The following CHD2 variants were observed in gnomAD, a reference collection of about 807,000 sequenced individuals.
CHD2 encodes the protein chromodomain helicase DNA binding protein 2.
Under a neutral mutation model 243.9 loss-of-function variants are expected in CHD2, and 28 were observed. That is an observed-to-expected ratio of 0.11 (90% confidence interval 0.09 to 0.16). The LOEUF is 0.16. CHD2 is among the 10% of genes least tolerant of loss of function. The pLI is 1.00. For missense variants in CHD2, 1,386 were observed against 2,209.8 expected (o/e 0.63, Z 7.47); for synonymous variants, 775 against 779.0 (o/e 0.99, Z 0.09).
chr15:93,023,792 T>C (rs1237633916), intron 38 of CHD2, among the ~76,000 whole-genome samples: 1 of 152,126 alleles, frequency 6.6e-6, no homozygotes, highest in African/African-American at 2.4e-5. Context: ...CATGGTTTTT[T>C]TTGGCCATTT....
intron 20 of CHD2, 121 bp downstream of exon 20, chr15:92,975,071 A>G: frequency 1.4e-6 from 1 of 721,572 alleles, no homozygotes. Context: ...TGCCTTGAGA[A>G]GAAAATGAGA....
chr15:92,948,895 C>G, intron 12 of CHD2, 57 bp from the exon 13 acceptor site: 1 of 1,533,734 alleles, frequency 6.5e-7, no homozygotes. Context: ...TTGTGGCTAG[C>G]GTTTTAACAT....
chr15:92,903,019 A>C (rs1286320254), intron 2 of CHD2, among the ~76,000 whole-genome samples: 1 of 152,204 alleles, frequency 6.6e-6, no homozygotes, highest in East Asian at 1.9e-4. Context: ...GCATGTACTG[A>C]CTGTACTTTT....
At chr15:93,004,943 T>C (rs934156977) in intron 34 of CHD2, among the ~76,000 whole-genome samples, 192 bp downstream of exon 34, 3 of 152,124 alleles carry the variant, frequency 2.0e-5, no homozygotes, top group African/African-American at 7.2e-5. Context: ...TTGTCTTTTA[T>C]TGAGGGGAAG....
intron 13 of CHD2, among the ~76,000 whole-genome samples, chr15:92,950,075 A>G (rs1278807161): frequency 1.3e-5 from 2 of 152,192 alleles, no homozygotes; most frequent in Non-Finnish European, 2.9e-5. Context: ...CAAATAAGGA[A>G]GGGGTGTAGG....
At chr15:92,935,038 C>T (rs1185692531) in intron 5 of CHD2, among the ~76,000 whole-genome samples, 4 of 138,694 alleles carry the variant, frequency 2.9e-5, no homozygotes, top group Non-Finnish European at 3.1e-5. Flanking sequence ...TTCTTTCTTT[C>T]TTTTTTTTTT....
chr15:92,989,519 A>C (rs1201414729), intron 26 of CHD2, among the ~76,000 whole-genome samples: 1 of 152,080 alleles, frequency 6.6e-6, no homozygotes, highest in Admixed American at 6.6e-5. Context: ...TTGTCATGTT[A>C]TGTGATCCTT....
chr15:92,979,006 C>G, intron 21 of CHD2, 129 bp from the exon 22 acceptor site: 1 of 1,214,268 alleles, frequency 8.2e-7, no homozygotes, highest in Non-Finnish European at 1.1e-6. Context: ...TTACAGTCTT[C>G]TATGGTTAGA....
chr15:92,913,275 C>T (rs2052774573), intron 2 of CHD2, among the ~76,000 whole-genome samples: 1 of 151,256 alleles, frequency 6.6e-6, no homozygotes, highest in South Asian at 2.1e-4. Flanking sequence ...GAATCTTGGG[C>T]AGGAGTGTCT....
chr15:92,947,386 A>C (rs1391792690), intron 12 of CHD2: 1 of 152,198 alleles, frequency 6.6e-6, no homozygotes, highest in Non-Finnish European at 1.5e-5. Flanking sequence ...TATCAAGAGA[A>C]AGATTCTTAT....
At chr15:93,015,610 C>T (rs2054450054) in intron 37 of CHD2, among the ~76,000 whole-genome samples, 3 of 149,860 alleles carry the variant, frequency 2.0e-5, no homozygotes. Flanking sequence ...AACCGTACAT[C>T]TGATAAGGGG....
intron 4 of CHD2, among the ~76,000 whole-genome samples, chr15:92,928,303 G>C (rs1176137651): frequency 6.6e-6 from 1 of 152,184 alleles, no homozygotes; most frequent in Non-Finnish European, 1.5e-5. Context: ...CAATCACATA[G>C]TTGTAGAAAT....
In CHD2 at chr15:93,024,514, C is replaced by T; in HGVS notation, c.5296C>T (p.His1766Tyr). 1 of 1,614,212 alleles carries T rather than the reference C, an allele frequency of 6.2e-7. No individual in the cohort carries two copies. Among genetic ancestry groups the T allele is most frequent in the Non-Finnish European group, 8.5e-7 (1 of 1,180,034 alleles). The change falls in exon 39 of 39, where the codon CAC becomes TAC. Residue 1766 changes from histidine to tyrosine, a missense_variant. This residue lies in a region of CHD2 where 347 missense variants were observed against 341.6 expected (regional missense o/e 1.02). Coordinates refer to ENST00000394196, the MANE Select transcript of CHD2 (RefSeq NM_001271.4). Reference sequence around the variant, plus strand: ...ACCCTCAGACCATTACCGCTCTTTCCACACAGATAAACTGGGGGAATATAA... The same window carrying T: ...ACCCTCAGACCATTACCGCTCTTTCTACACAGATAAACTGGGGGAATATAA... ...QGPSDHYRSF[H>Y]TDKLGEYKQP...
At chr15:92,909,779 A>G (rs1489930630) in intron 2 of CHD2, among the ~76,000 whole-genome samples, 1 of 151,676 alleles carries the variant, frequency 6.6e-6, no homozygotes, top group Non-Finnish European at 1.5e-5. Flanking sequence ...GACCTCCGAA[A>G]GTGCTGGGAT....
chr15:92,933,259 A>G (rs1011447452), intron 5 of CHD2, among the ~76,000 whole-genome samples: 3 of 152,182 alleles, frequency 2.0e-5, no homozygotes, highest in Middle Eastern at 3.2e-3. Context: ...GACCTGCACA[A>G]TATTTAAAAT....
intron 24 of CHD2, among the ~76,000 whole-genome samples, chr15:92,982,597 G>A (rs1360172555): frequency 1.3e-5 from 2 of 152,222 alleles, no homozygotes; most frequent in East Asian, 3.9e-4. Flanking sequence ...ACCATGGGTT[G>A]ATTCCATGGA....
intron 4 of CHD2, among the ~76,000 whole-genome samples, 179 bp from the exon 5 acceptor site, chr15:92,928,851 T>A (rs145139295): frequency 6.6e-6 from 1 of 152,210 alleles, no homozygotes; most frequent in East Asian, 1.9e-4. Context: ...CAGAGAGATA[T>A]TAATTTTCAA....
intron 34 of CHD2, among the ~76,000 whole-genome samples, chr15:93,007,684 A>T (rs2054338498): frequency 6.6e-6 from 1 of 151,454 alleles, no homozygotes; most frequent in Non-Finnish European, 1.5e-5. Flanking sequence ...AATTTTCTTG[A>T]ATTATATGGT....
chr15:93,024,248 T>C, intron 38 of CHD2, 124 bp from the exon 39 acceptor site: 2 of 823,434 alleles, frequency 2.4e-6, no homozygotes, highest in Non-Finnish European at 3.8e-6. Context: ...TTTTTTTGAT[T>C]CCTAATAATG....
Sources: allele counts gnomAD v4.1 joint callset (sites outside exome capture counted in the v4.1 genomes callset), GRCh38; gene constraint gnomAD v4.1.1; regional missense constraint gnomAD v4.1.1; transcripts MANE v1.5; gene names NCBI Gene and HGNC (gene_info 2026-07-23, HGNC 2026-07-21).